TMEM131: variants seen among roughly 807,000 people sequenced by gnomAD.
TMEM131 encodes the protein transmembrane protein 131.
A neutral mutation model predicts 211.6 loss-of-function variants in TMEM131; 66 were observed. The observed-to-expected ratio is 0.31, with a 90% CI of 0.26 to 0.38. The LOEUF (loss-of-function observed/expected upper bound fraction) is 0.38, where lower values mean the gene tolerates loss of function less well. Ranked by LOEUF, TMEM131 falls within the 10% of genes least tolerant of loss-of-function variation. The probability of loss-of-function intolerance (pLI) is 1.00; values close to 1 mark genes in which losing one functional copy is unlikely to be tolerated. For synonymous variants in TMEM131, 844 were observed against 841.3 expected (o/e 1.00, Z -0.06); for missense variants, 2,036 against 2,299.3 (o/e 0.89, Z 2.34).
At chr2:97,904,873 G>A (rs962014127) in intron 3 of TMEM131, among the ~76,000 whole-genome samples, 3 of 147,370 alleles carry the variant, frequency 2.0e-5, no homozygotes, top group African/African-American at 7.5e-5. Flanking sequence ...AAATAATATT[G>A]TACTACTTTA....
chr2:97,953,855 A>G (rs1286019075), intron 1 of TMEM131, among the ~76,000 whole-genome samples: 2 of 152,236 alleles, frequency 1.3e-5, no homozygotes, highest in Non-Finnish European at 2.9e-5. Flanking sequence ...TCCAATCACA[A>G]TGTAATCAGA....
At chr2:97,967,516 G>GA (rs756834790) in intron 1 of TMEM131, among the ~76,000 whole-genome samples, 153 of 141,806 alleles carry the variant, frequency 1.1e-3, no homozygotes, top group African/African-American at 3.2e-3. Flanking sequence ...AAAGGAAAGA[G>GA]AAAAAAAAAA....
intron 2 of TMEM131, among the ~76,000 whole-genome samples, chr2:97,925,596 G>A (rs904206406): frequency 5.9e-5 from 9 of 152,182 alleles, no homozygotes; most frequent in South Asian, 2.1e-4. Flanking sequence ...CACATGCATC[G>A]TGCCGTGGAG....
intron 4 of TMEM131, among the ~76,000 whole-genome samples, chr2:97,868,334 C>A (rs1474553043): frequency 6.6e-6 from 1 of 151,868 alleles, no homozygotes; most frequent in Non-Finnish European, 1.5e-5. Flanking sequence ...AAAATATTGT[C>A]TATGTCTTTA....
intron 1 of TMEM131, among the ~76,000 whole-genome samples, chr2:97,950,488 T>A (rs1010399128): frequency 3.3e-5 from 5 of 151,948 alleles, no homozygotes; most frequent in African/African-American, 1.2e-4. Flanking sequence ...TATGCCATGA[T>A]CCTAATGTCC....
intron 3 of TMEM131, among the ~76,000 whole-genome samples, chr2:97,889,966 G>A (rs1228273903): frequency 1.3e-5 from 2 of 152,128 alleles, no homozygotes; most frequent in Admixed American, 6.6e-5. Flanking sequence ...GTTTAGAACC[G>A]AAAATGCCTC....
At chr2:97,939,861 G>C (rs1019362889) in intron 1 of TMEM131, among the ~76,000 whole-genome samples, 3 of 152,158 alleles carry the variant, frequency 2.0e-5, no homozygotes, top group African/African-American at 4.8e-5. Flanking sequence ...TGTAAGGCTG[G>C]TTCAACATAC....
In TMEM131 at chr2:97,760,617, G is replaced by A; in HGVS notation, c.5084C>T (p.Pro1695Leu). ...CCTGTCTGAGCCATCGCTGTCAACA[G>A]GAGCGTGTGAAATGCCAAGGCTGCT... ...FSSSLGISHAPVDSDGSDSSG... is the reference protein window; with the variant it reads ...FSSSLGISHALVDSDGSDSSG... The change falls in exon 38 of 41, where the codon CCT (proline) becomes CTT (leucine). Residue 1695 changes from proline (P) to leucine (L), a missense_variant. Pro to Leu is a moderately conservative substitution (Grantham distance 98). This residue lies in a region of TMEM131 where 1,623 missense variants were observed against 1,805.9 expected (regional missense o/e 0.90). Transcript: ENST00000186436. The A allele has an allele frequency of 1.2e-6, 2 of 1,612,474 alleles. No homozygotes were observed. Among genetic ancestry groups the A allele is most frequent in the Non-Finnish European group, 1.7e-6 (2 of 1,179,204 alleles).
intron 31 of TMEM131, among the ~76,000 whole-genome samples, chr2:97,791,464 A>G (rs1573365447): frequency 1.3e-5 from 2 of 152,320 alleles, no homozygotes; most frequent in African/African-American, 4.8e-5. Flanking sequence ...CGCTCTGTGG[A>G]GAGGAACCAT....
chr2:97,866,149 G>A (rs1264141312), intron 4 of TMEM131, among the ~76,000 whole-genome samples: 2 of 152,224 alleles, frequency 1.3e-5, no homozygotes, highest in Non-Finnish European at 2.9e-5. Flanking sequence ...CCAAAGTGCA[G>A]GGATTACAGG....
At chr2:97,937,442 G>C (rs969676714) in intron 1 of TMEM131, among the ~76,000 whole-genome samples, 1 of 152,028 alleles carries the variant, frequency 6.6e-6, no homozygotes, top group South Asian at 2.1e-4. Flanking sequence ...CTGTACAACA[G>C]GAGTCTCAGA....
chr2:97,963,843 A>AT (rs1214712364), intron 1 of TMEM131, among the ~76,000 whole-genome samples: 1 of 152,246 alleles, frequency 6.6e-6, no homozygotes, highest in Non-Finnish European at 1.5e-5. Flanking sequence ...ACTACATCAC[A>AT]TATTTTTAAA....
intron 1 of TMEM131, among the ~76,000 whole-genome samples, chr2:97,928,315 G>C (rs1553615594): frequency 1.3e-5 from 2 of 152,022 alleles, no homozygotes; most frequent in Non-Finnish European, 2.9e-5. Context: ...TGGTTGCTAG[G>C]AGATCAGGGG....
chr2:97,766,442 C>T (rs368756032), intron 34 of TMEM131, 36 bp downstream of exon 34: 28 of 1,613,402 alleles, frequency 1.7e-5, no homozygotes, highest in East Asian at 6.7e-5. Context: ...TGAAAAGATC[C>T]GTAAGACATG....
chr2:97,901,092 A>G (rs1002271114), intron 3 of TMEM131, among the ~76,000 whole-genome samples: 1 of 152,202 alleles, frequency 6.6e-6, no homozygotes, highest in Non-Finnish European at 1.5e-5. Context: ...CCCTGAATAT[A>G]ACCTTCAAAA....
chr2:97,762,102 G>A lies in TMEM131; in HGVS notation c.4822C>T (p.Pro1608Ser), dbSNP rs993115558. 3 of 1,612,954 alleles carry A rather than the reference G, an allele frequency of 1.9e-6. No individual in the cohort carries two copies. Among genetic ancestry groups the A allele is most frequent in the Non-Finnish European group, 2.5e-6 (3 of 1,179,376 alleles). ...GCCACAAAGGGGCAGGGGGCAGCTG[G>A]GGGAGACGGGGAAGCAGGTGTCGGT... The part of the protein sequence containing the change: ...TSPTPASPSP[P>S]AAPCPFVARG... Residue 1608 changes from proline (P) to serine (S), a missense_variant, in exon 36 of 41, where the codon CCA becomes TCA. This residue lies in a region of TMEM131 where 1,623 missense variants were observed against 1,805.9 expected (regional missense o/e 0.90). Coordinates refer to ENST00000186436, the MANE Select transcript of TMEM131 (RefSeq NM_015348.2).
chr2:97,991,344 T>A (rs971172507), intron 1 of TMEM131, among the ~76,000 whole-genome samples: 1 of 152,046 alleles, frequency 6.6e-6, no homozygotes, highest in Non-Finnish European at 1.5e-5. Context: ...TGAACAGAAA[T>A]GGCGAAAGGC....
chr2:97,841,505 A>G (rs964906971), intron 7 of TMEM131, among the ~76,000 whole-genome samples: 1 of 152,248 alleles, frequency 6.6e-6, no homozygotes, highest in Admixed American at 6.5e-5. Context: ...CAAGAAAAAA[A>G]GCAGCCTTGT....
At chr2:97,870,139 C>G (rs574312835) in intron 4 of TMEM131, among the ~76,000 whole-genome samples, 108 of 152,248 alleles carry the variant, frequency 7.1e-4, no homozygotes, top group Non-Finnish European at 1.4e-3. Context: ...TGGATTAGGT[C>G]AGGCTCACCC....
Sources: gnomAD v4.1 joint callset for allele counts (sites outside exome capture counted in the v4.1 genomes callset) on GRCh38, gnomAD v4.1.1 for gene constraint, gnomAD v4.1.1 regional missense constraint, MANE v1.5 for transcripts, NCBI Gene and HGNC (gene_info 2026-07-23, HGNC 2026-07-21) for gene names.